Variants in RPL21 observed in about 807,000 individuals in gnomAD.
The protein encoded by RPL21 is large ribosomal subunit protein eL21.
In RPL21, 1 loss-of-function variant was observed where a neutral mutation model predicts 21.2. That is an observed-to-expected ratio of 0.05 (90% CI 0.02 to 0.22). The LOEUF is 0.22. RPL21 is among the 10% of genes least tolerant of loss of function. The pLI, the probability that RPL21 is intolerant of heterozygous loss-of-function variation, is 1.00. For synonymous variants in RPL21, 52 were observed against 62.9 expected, an observed-to-expected ratio of 0.83 and a Z score of 0.82; for missense variants, 113 against 199.4, an observed-to-expected ratio of 0.57 and a Z score of 2.61.
chr13:27,252,564 A>G (rs530588841), intron 1 of RPL21, among the ~76,000 whole-genome samples: 1 of 152,324 alleles, frequency 6.6e-6, no homozygotes, highest in Admixed American at 6.5e-5. Flanking sequence ...ATCAGGAATG[A>G]GTTAACTGAT....
intron 4 of RPL21, chr13:27,255,556 A>G (rs778298630): frequency 1.4e-6 from 1 of 740,666 alleles, no homozygotes; most frequent in Non-Finnish European, 2.5e-6. Context: ...AGTCTTACAC[A>G]GTTAGTTACT....
intron 3 of RPL21, among the ~76,000 whole-genome samples, chr13:27,254,695 G>C (rs1479966807): frequency 6.6e-6 from 1 of 151,908 alleles, no homozygotes; most frequent in Admixed American, 6.6e-5. Context: ...GGCTAATTTT[G>C]TATTTTTAGT....
intron 1 of RPL21, among the ~76,000 whole-genome samples, chr13:27,253,554 T>G (rs188424658): frequency 6.6e-6 from 1 of 152,366 alleles, no homozygotes; most frequent in African/African-American, 2.4e-5. Flanking sequence ...TTAAGAGTTT[T>G]GATGTTATAG....
intron 3 of RPL21, 199 bp from the exon 4 acceptor site, chr13:27,255,043 T>C: frequency 1.3e-6 from 1 of 749,000 alleles, no homozygotes; most frequent in Non-Finnish European, 2.5e-6. Flanking sequence ...TGACCTGGAT[T>C]TAAATGTATC....
At chr13:27,255,421 A>G (rs776375144) in intron 4 of RPL21, 67 bp downstream of exon 4, 10 of 792,634 alleles carry the variant, frequency 1.3e-5, no homozygotes, top group Admixed American at 6.8e-5. Context: ...TCACTTTGCC[A>G]GTTGGACTTA....
rs752788314 is a variant in RPL21 at position 27,254,204 on chromosome 13, A to G, written c.68-16A>G. The G allele has an allele frequency of 7.1e-6, 11 of 1,547,172 alleles. No homozygotes were observed. The Middle Eastern group carries it at 7.1e-4, about 100-fold the overall frequency. On this transcript the variant is annotated splice_polypyrimidine_tract_variant and intron_variant, in intron 2 of 5. Transcript: ENST00000311549. ...TTTTAGCCTTAATACTCACTATACC[A>G]AATTTATTTTTGTAGGAGTTGTTCC...
At chr13:27,254,471 A>G (rs183834481) in intron 3 of RPL21, 190 bp downstream of exon 3, 33 of 539,038 alleles carry the variant, frequency 6.1e-5, no homozygotes, top group Admixed American at 3.3e-4. Flanking sequence ...TCTCACCTCA[A>G]CCTCCGCCTC....
intron 3 of RPL21, chr13:27,254,560 A>T (rs1444561324): frequency 4.9e-6 from 2 of 409,226 alleles, no homozygotes; most frequent in Admixed American, 8.4e-5. Context: ...ATACCTGGCT[A>T]ATTTTGTATT....
rs1881902256 is a variant in RPL21, at chr13:27,256,401, T to G, written c.394-35T>G. The G allele has an allele frequency of 5.1e-6, 8 of 1,564,518 alleles. No homozygotes were observed. The East Asian group carries it at 1.8e-4, about 35-fold the overall frequency. ...TAAGGTTGAGATTTAACACATCACA[T>G]AATTATTTTATTCCCTTTTTTTTTC... On this transcript the variant is annotated intron_variant, in intron 5 of 5. Transcript: ENST00000311549.
At chr13:27,251,974 A>G (rs1881671379) in intron 1 of RPL21, 2 of 152,312 alleles carry the variant, frequency 1.3e-5, no homozygotes, top group African/African-American at 2.4e-5. Context: ...ATGCCTTTCT[A>G]ACTCCTTTCA....
At chr13:27,253,585 A>C (rs1353050212) in intron 1 of RPL21, 180 bp from the exon 2 acceptor site, 1 of 551,916 alleles carries the variant, frequency 1.8e-6, no homozygotes, top group Non-Finnish European at 3.3e-6. Context: ...GTTTTGCCAA[A>C]AGACCTTACT....
intron 4 of RPL21, 76 bp downstream of exon 4, chr13:27,255,430 T>TA (rs1245344503): frequency 2.0e-5 from 16 of 785,024 alleles, no homozygotes; most frequent in African/African-American, 1.7e-4. Context: ...CAGTTGGACT[T>TA]ATGTCTTTAT....
chr13:27,254,201 A>G lies in RPL21; in HGVS notation c.68-19A>G. On this transcript the variant is annotated intron_variant, in intron 2 of 5. Coordinates refer to ENST00000311549, the MANE Select transcript of RPL21 (RefSeq NM_000982.4). ...GATTTTTAGCCTTAATACTCACTAT[A>G]CCAAATTTATTTTTGTAGGAGTTGT... The G allele has an allele frequency of 6.5e-7, 1 of 1,529,650 alleles. No homozygotes were observed. Among genetic ancestry groups the G allele is most frequent in the Non-Finnish European group, 9.1e-7 (1 of 1,103,524 alleles). 94.8% of individuals were successfully genotyped at this position (1,529,650 alleles called of 1,614,324 possible).
In RPL21 at chr13:27,255,362, G is replaced by C. The variant is rs1260474791; in HGVS notation, c.242+8G>C. The C allele has an allele frequency of 1.8e-6, 2 of 1,098,812 alleles. No individual in the cohort carries two copies. 68.1% of individuals were successfully genotyped at this position (1,098,812 alleles called of 1,614,324 possible). ...TGTAAACAAACAAGTTAAGTAAGTA[G>C]TGTTGTAGTTCTTTGTGGCTAACCA... On this transcript the variant is annotated splice_region_variant and intron_variant, in intron 4 of 5. Coordinates refer to ENST00000311549, the MANE Select transcript of RPL21 (RefSeq NM_000982.4).
chr13:27,255,129 G>C, intron 3 of RPL21, 113 bp from the exon 4 acceptor site: 1 of 778,530 alleles, frequency 1.3e-6, no homozygotes, highest in Non-Finnish European at 2.4e-6. Flanking sequence ...CACCGGCTCT[G>C]AAAGCTCTTG....
intron 1 of RPL21, among the ~76,000 whole-genome samples, chr13:27,252,309 G>T (rs372728831): frequency 1.1e-3 from 164 of 152,320 alleles, no homozygotes; most frequent in African/African-American, 3.8e-3. Flanking sequence ...AGGGCAGCAT[G>T]CTTTGAGTGA....
intron 1 of RPL21, among the ~76,000 whole-genome samples, chr13:27,252,826 G>A (rs961523250): frequency 1.3e-4 from 20 of 152,128 alleles, no homozygotes; most frequent in Admixed American, 1.3e-3. Flanking sequence ...AGGATTGTTG[G>A]TAAACTTAGA....
intron 3 of RPL21, chr13:27,254,830 T>G: frequency 2.8e-6 from 1 of 355,472 alleles, no homozygotes; most frequent in South Asian, 2.2e-5. Context: ...CTAGAATGGA[T>G]TTTTTAAAGT....
intron 1 of RPL21, 53 bp from the exon 2 acceptor site, chr13:27,253,712 G>C: frequency 1.0e-6 from 1 of 972,820 alleles, no homozygotes; most frequent in South Asian, 1.3e-5. Flanking sequence ...ACAGGGGTTT[G>C]GGGCAAATGC....
Sources: allele counts gnomAD v4.1 joint callset (sites outside exome capture counted in the v4.1 genomes callset), GRCh38; gene constraint gnomAD v4.1.1; transcripts MANE v1.5; gene names NCBI Gene and HGNC (gene_info 2026-07-23, HGNC 2026-07-21).